Variants in CACNB2 observed in about 807,000 individuals in gnomAD.
The protein encoded by CACNB2 is voltage-dependent L-type calcium channel subunit beta-2.
In CACNB2, 42 loss-of-function variants were observed where a neutral mutation model predicts 73.3. That is an observed-to-expected ratio of 0.57 (90% CI 0.45 to 0.74). CACNB2 has a LOEUF of 0.74. Ranked by LOEUF, CACNB2 falls within the 30% of genes least tolerant of loss-of-function variation. The pLI, the probability that CACNB2 is intolerant of heterozygous loss-of-function variation, is 0.00. For missense variants in CACNB2, 940 were observed against 853.0 expected (o/e 1.10, Z -1.27); for synonymous variants, 348 against 310.3 (o/e 1.12, Z -1.28).
intron 3 of CACNB2, among the ~76,000 whole-genome samples, chr10:18,445,260 A>C (rs1376686707): frequency 6.6e-6 from 1 of 152,240 alleles, no homozygotes; most frequent in Non-Finnish European, 1.5e-5. Flanking sequence ...TGGCACCCTG[A>C]GAACTGGTAC....
chr10:18,413,171 C>G (rs1301179979), intron 3 of CACNB2, among the ~76,000 whole-genome samples: 2 of 152,130 alleles, frequency 1.3e-5, no homozygotes, highest in Non-Finnish European at 2.9e-5. Flanking sequence ...GGGGCTTCAC[C>G]CTGTTGACCA....
intron 2 of CACNB2, among the ~76,000 whole-genome samples, chr10:18,316,166 T>C (rs2040175751): frequency 6.6e-6 from 1 of 152,118 alleles, no homozygotes; most frequent in Admixed American, 6.6e-5. Context: ...TACATTTACA[T>C]ATATATGTAA....
chr10:18,266,761 ATGCCT>A (rs2037822613), intron 2 of CACNB2, among the ~76,000 whole-genome samples: 1 of 152,072 alleles, frequency 6.6e-6, no homozygotes, highest in Non-Finnish European at 1.5e-5. Flanking sequence ...GTGGTGGTGC[ATGCCT>A]GTAATCCCAG....
At chr10:18,210,170 C>T (rs1204099426) in intron 2 of CACNB2, among the ~76,000 whole-genome samples, 1 of 152,180 alleles carries the variant, frequency 6.6e-6, no homozygotes, top group East Asian at 1.9e-4. Context: ...GAGTTGATAC[C>T]TGCCAGGTGA....
chr10:18,404,388 A>C (rs944256941), intron 3 of CACNB2, among the ~76,000 whole-genome samples: 16 of 152,192 alleles, frequency 1.1e-4, no homozygotes, highest in Non-Finnish European at 2.9e-5. Context: ...ATTGTTATCT[A>C]TAAAAATAAC....
In CACNB2 at chr10:18,265,929, A is replaced by G. The variant is rs188195307; in HGVS notation, c.213+114954A>G. On this transcript the variant is annotated intron_variant, in intron 2 of 13. Transcript: ENST00000324631. ...CTTGAAAAGCTTTTATTAATAAATG[A>G]CTAGATACTGGAAGGTAATGTAGTC... Among the ~76,000 whole-genome samples the G allele has an allele frequency of 2.7e-3, 418 of 152,308 alleles. 4 individuals are homozygous for G. Among genetic ancestry groups the G allele is most frequent in the African/African-American group, 9.7e-3 (403 of 41,546 alleles).
At chr10:18,331,260 A>C (rs1222163361) in intron 2 of CACNB2, among the ~76,000 whole-genome samples, 1 of 151,980 alleles carries the variant, frequency 6.6e-6, no homozygotes, top group Non-Finnish European at 1.5e-5. Context: ...CTGGAATTAC[A>C]GGCATGAGCC....
intron 2 of CACNB2, among the ~76,000 whole-genome samples, chr10:18,329,493 A>T (rs1401382853): frequency 7.2e-6 from 1 of 138,680 alleles, no homozygotes; most frequent in African/African-American, 2.8e-5. Flanking sequence ...CACCTCTTAC[A>T]AGTAAAAAAA....
intron 2 of CACNB2, among the ~76,000 whole-genome samples, chr10:18,175,321 A>G (rs780063297): frequency 2.6e-5 from 4 of 152,196 alleles, no homozygotes; most frequent in Non-Finnish European, 5.9e-5. Flanking sequence ...AGAAAATGGA[A>G]AAGAAAGATC....
intron 2 of CACNB2, among the ~76,000 whole-genome samples, chr10:18,208,569 G>A (rs1245683834): frequency 6.6e-6 from 1 of 152,060 alleles, no homozygotes; most frequent in Non-Finnish European, 1.5e-5. Flanking sequence ...CCATGATCGT[G>A]CCACTGCACT....
intron 3 of CACNB2, among the ~76,000 whole-genome samples, chr10:18,450,515 C>T (rs751018474): frequency 5.9e-5 from 9 of 152,046 alleles, no homozygotes; most frequent in Non-Finnish European, 1.0e-4. Context: ...AGGAATCCCC[C>T]AGGACTGGGT....
chr10:18,287,286 A>G (rs997133896), intron 2 of CACNB2, among the ~76,000 whole-genome samples: 1 of 152,112 alleles, frequency 6.6e-6, no homozygotes, highest in African/African-American at 2.4e-5. Flanking sequence ...CTGAGATCAC[A>G]CCACTGCACT....
At chr10:18,491,588 G>A (rs1038674462) in intron 3 of CACNB2, among the ~76,000 whole-genome samples, 3 of 151,980 alleles carry the variant, frequency 2.0e-5, no homozygotes, top group Non-Finnish European at 4.4e-5. Flanking sequence ...CCTGTCTGGG[G>A]GAAAAACAAT....
chr10:18,309,930 A>G (rs769888034), intron 2 of CACNB2, among the ~76,000 whole-genome samples: 3 of 152,238 alleles, frequency 2.0e-5, no homozygotes, highest in Admixed American at 6.5e-5. Context: ...TAAAATTAAC[A>G]TTATTTTGCC....
intron 3 of CACNB2, 54 bp from the exon 4 acceptor site, chr10:18,498,301 A>AGG: frequency 1.2e-6 from 2 of 1,606,846 alleles, no homozygotes; most frequent in Middle Eastern, 1.7e-4. Flanking sequence ...GGGAAAAAGG[A>AGG]GGGACAGTGT....
intron 2 of CACNB2, among the ~76,000 whole-genome samples, chr10:18,222,659 A>G (rs1293081558): frequency 2.0e-5 from 3 of 152,236 alleles, no homozygotes; most frequent in Non-Finnish European, 4.4e-5. Flanking sequence ...TGAAATGGCC[A>G]GGCACAGTGG....
At chr10:18,445,895 G>T (rs56949798) in intron 3 of CACNB2, among the ~76,000 whole-genome samples, 1 of 152,008 alleles carries the variant, frequency 6.6e-6, no homozygotes, top group East Asian at 1.9e-4. Flanking sequence ...TTAGCTGGGC[G>T]TGGTGGCACA....
At chr10:18,388,954 A>C (rs1315007706) in intron 2 of CACNB2, among the ~76,000 whole-genome samples, 1 of 152,170 alleles carries the variant, frequency 6.6e-6, no homozygotes, top group Non-Finnish European at 1.5e-5. Context: ...TGAATCAATT[A>C]CAGAAAATAT....
chr10:18,190,785 T>C (rs906917950), intron 2 of CACNB2, among the ~76,000 whole-genome samples: 1 of 152,102 alleles, frequency 6.6e-6, no homozygotes, highest in Non-Finnish European at 1.5e-5. Flanking sequence ...GGAAACTATT[T>C]CAAGCAGCAT....
Sources: gnomAD v4.1 joint callset for allele counts (sites outside exome capture counted in the v4.1 genomes callset) on GRCh38, gnomAD v4.1.1 for gene constraint, MANE v1.5 for transcripts, NCBI Gene and HGNC (gene_info 2026-07-23, HGNC 2026-07-21) for gene names.